SPMAP2L: variants seen among roughly 807,000 people sequenced by gnomAD.
SPMAP2L encodes the protein sperm microtubule associated protein 2-like.
chr4:56,537,948 C>CT, the SPMAP2L span, among the ~76,000 whole-genome samples: 6 of 151,096 alleles, frequency 4.0e-5, no homozygotes, highest in Admixed American at 4.0e-4. Flanking sequence ...CCGCCTCGGC[C>CT]CCCCAAAGTG....
At chr4:56,587,158 C>T in the SPMAP2L span, among the ~76,000 whole-genome samples, 7 of 151,922 alleles carry the variant, frequency 4.6e-5, no homozygotes, top group Non-Finnish European at 1.0e-4. Context: ...TACATAGCTG[C>T]CCCTAAAATG....
the SPMAP2L span, among the ~76,000 whole-genome samples, chr4:56,565,745 A>G: frequency 2.0e-5 from 3 of 152,316 alleles, no homozygotes; most frequent in African/African-American, 7.2e-5. Context: ...CCAAATATAT[A>G]CATATTTATT....
At chr4:56,600,914 T>C in the SPMAP2L span, 1 of 1,525,170 alleles carries the variant, frequency 6.6e-7, no homozygotes, top group Non-Finnish European at 8.8e-7. Context: ...TATTTTTGTG[T>C]CTCTTTGTTT....
the SPMAP2L span, among the ~76,000 whole-genome samples, chr4:56,588,981 C>G: frequency 1.3e-5 from 2 of 151,878 alleles, no homozygotes. Context: ...CCATTGGTCT[C>G]TGTGCCTATT....
At chr4:56,549,137 T>C in the SPMAP2L span, among the ~76,000 whole-genome samples, 244 of 152,072 alleles carry the variant, frequency 1.6e-3, no homozygotes, top group African/African-American at 5.4e-3. Flanking sequence ...TACGGGCATG[T>C]GCCACCACAC....
the SPMAP2L span, among the ~76,000 whole-genome samples, chr4:56,574,002 A>G: frequency 6.6e-6 from 1 of 152,196 alleles, no homozygotes; most frequent in Non-Finnish European, 1.5e-5. Context: ...AGGTCCTTAT[A>G]ATAGAAGCAA....
the SPMAP2L span, among the ~76,000 whole-genome samples, chr4:56,579,730 C>T: frequency 6.6e-6 from 1 of 152,156 alleles, no homozygotes; most frequent in Non-Finnish European, 1.5e-5. Context: ...GATTATGTCA[C>T]TGCATTCCAG....
the SPMAP2L span, among the ~76,000 whole-genome samples, chr4:56,555,886 C>A: frequency 3.2e-4 from 49 of 152,156 alleles, 1 homozygote; most frequent in Admixed American, 3.0e-3. Flanking sequence ...ATTAAATTGT[C>A]TCTTATTCAT....
the SPMAP2L span, chr4:56,593,776 G>A: frequency 6.3e-7 from 1 of 1,584,218 alleles, no homozygotes; most frequent in South Asian, 1.1e-5. Context: ...AACACACTGA[G>A]AGAGACATGG....
At chr4:56,584,685 T>C in the SPMAP2L span, 1 of 1,010,280 alleles carries the variant, frequency 9.9e-7, no homozygotes, top group South Asian at 1.4e-5. Context: ...TTTCTAGATG[T>C]GTTTTCCTTT....
the SPMAP2L span, among the ~76,000 whole-genome samples, chr4:56,569,881 T>A: frequency 6.6e-6 from 1 of 152,186 alleles, no homozygotes; most frequent in Non-Finnish European, 1.5e-5. Flanking sequence ...GGAAGTCTCT[T>A]CTAAGTGTTT....
the SPMAP2L span, among the ~76,000 whole-genome samples, chr4:56,609,304 G>A: frequency 6.6e-6 from 1 of 152,112 alleles, no homozygotes; most frequent in East Asian, 1.9e-4. Context: ...GCCTCCCAAA[G>A]TGCTGGGATT....
chr4:56,570,527 C>T, the SPMAP2L span, among the ~76,000 whole-genome samples: 8 of 152,100 alleles, frequency 5.3e-5, no homozygotes, highest in Non-Finnish European at 1.0e-4. Flanking sequence ...CATATCTAAA[C>T]ATAGAAAAGG....
chr4:56,553,068 T>G, the SPMAP2L span, among the ~76,000 whole-genome samples: 2 of 151,814 alleles, frequency 1.3e-5, no homozygotes, highest in Admixed American at 6.6e-5. Context: ...ACACCTGTCC[T>G]CTGGGTCTCC....
chr4:56,545,726 A>AT, the SPMAP2L span, among the ~76,000 whole-genome samples: 2 of 151,792 alleles, frequency 1.3e-5, no homozygotes, highest in Non-Finnish European at 2.9e-5. Context: ...CTCAAAAAAA[A>AT]AAAAAAAAAA....
At chr4:56,598,584 G>A in the SPMAP2L span, among the ~76,000 whole-genome samples, 1 of 150,936 alleles carries the variant, frequency 6.6e-6, no homozygotes, top group Non-Finnish European at 1.5e-5. Flanking sequence ...GCCAAGCCAA[G>A]GCTAAGGGAA....
the SPMAP2L span, among the ~76,000 whole-genome samples, chr4:56,567,599 T>C: frequency 6.6e-6 from 1 of 152,022 alleles, no homozygotes; most frequent in Admixed American, 6.6e-5. Context: ...TATACTTCTT[T>C]TAGTTCAGGT....
the SPMAP2L span, among the ~76,000 whole-genome samples, chr4:56,543,895 AGT>A: frequency 0.17 from 17,943 of 108,712 alleles, 893 homozygotes; most frequent in East Asian, 0.24. Flanking sequence ...AGAGAGAGAG[AGT>A]GTGTGTGTGT....
At chr4:56,552,236 C>T in the SPMAP2L span, among the ~76,000 whole-genome samples, 2 of 152,198 alleles carry the variant, frequency 1.3e-5, no homozygotes, top group African/African-American at 4.8e-5. Flanking sequence ...TACAAATGAC[C>T]TTAATAGACT....
Sources: allele counts gnomAD v4.1 joint callset (sites outside exome capture counted in the v4.1 genomes callset), GRCh38; gene constraint gnomAD v4.1.1; transcripts MANE v1.5; gene names NCBI Gene and HGNC (gene_info 2026-07-23, HGNC 2026-07-21).